TMCO4: variants seen among roughly 807,000 people sequenced by gnomAD.
TMCO4 encodes the protein transmembrane and coiled-coil domains 4, also known as transmembrane and coiled-coil domain-containing protein 4.
TMCO4 carries 58 observed loss-of-function variants against 64.7 expected under a neutral mutation model. The observed-to-expected ratio is 0.90, with a 90% CI of 0.73 to 1.12. The LOEUF is 1.12. Ranked by LOEUF, TMCO4 falls within the 50% of genes most tolerant of loss-of-function variation. TMCO4 has a pLI of 0.00. For missense variants in TMCO4, 780 were observed against 825.9 expected, an observed-to-expected ratio of 0.94 and a Z score of 0.68; for synonymous variants, 325 against 346.1, an observed-to-expected ratio of 0.94 and a Z score of 0.68.
chr1:19,724,742 T>C (rs565587008), intron 13 of TMCO4, among the ~76,000 whole-genome samples: 3 of 152,184 alleles, frequency 2.0e-5, no homozygotes, highest in South Asian at 4.1e-4. Context: ...AGACTCTAAG[T>C]TCAGTGCTCC....
intron 13 of TMCO4, among the ~76,000 whole-genome samples, chr1:19,710,089 T>A (rs1047773858): frequency 6.6e-6 from 1 of 152,044 alleles, no homozygotes; most frequent in Admixed American, 6.6e-5. Flanking sequence ...CCTGGAATTC[T>A]ATTTTTTAAA....
intron 4 of TMCO4, among the ~76,000 whole-genome samples, chr1:19,773,427 G>A (rs2043072653): frequency 6.6e-6 from 1 of 152,188 alleles, no homozygotes; most frequent in African/African-American, 2.4e-5. Context: ...CTTCGGAACT[G>A]TCTCCAGCGG....
At chr1:19,755,586 T>G (rs1158205871) in intron 7 of TMCO4, 48 bp downstream of exon 7, 1 of 1,610,380 alleles carries the variant, frequency 6.2e-7, no homozygotes. Flanking sequence ...CAAAGTACAC[T>G]GAAGTGGAAA....
At chr1:19,690,633 A>G (rs1489847254) in intron 15 of TMCO4, among the ~76,000 whole-genome samples, 1 of 152,154 alleles carries the variant, frequency 6.6e-6, no homozygotes. Context: ...AGGGGCTGAG[A>G]GAAAATTCCT....
intron 11 of TMCO4, among the ~76,000 whole-genome samples, chr1:19,740,183 C>T (rs1022754884): frequency 3.9e-5 from 6 of 152,144 alleles, no homozygotes; most frequent in Admixed American, 6.5e-5. Context: ...TGAGATGGCC[C>T]CAATTCGTCT....
intron 15 of TMCO4, among the ~76,000 whole-genome samples, chr1:19,686,985 T>C (rs942876235): frequency 3.9e-5 from 6 of 151,930 alleles, no homozygotes; most frequent in African/African-American, 1.5e-4. Context: ...GGAGTCTTGC[T>C]CTGTTGCCCA....
intron 10 of TMCO4, among the ~76,000 whole-genome samples, chr1:19,744,610 C>T (rs1418571143): frequency 6.6e-6 from 1 of 152,170 alleles, no homozygotes; most frequent in Non-Finnish European, 1.5e-5. Context: ...TGGCTCCACC[C>T]ACATTCCTGC....
chr1:19,693,369 G>A (rs188382490), intron 15 of TMCO4, among the ~76,000 whole-genome samples: 2,791 of 152,040 alleles, frequency 0.018, 41 homozygotes, highest in Non-Finnish European at 0.028. Flanking sequence ...TGTAATCCCC[G>A]CTACTCGGGA....
chr1:19,741,018 G>A lies in TMCO4; in HGVS notation c.878-77C>T, dbSNP rs1431137220. 1.3e-5 allele frequency: 19 copies of A among 1,433,842 alleles called. No homozygotes were observed. The East Asian group carries it at 4.3e-4, about 33-fold the overall frequency. 88.8% of individuals were successfully genotyped at this position (1,433,842 alleles called of 1,614,324 possible). A position where few individuals can be genotyped will look rare whatever the true frequency, so the allele number is the denominator to read the frequency against. On this transcript the variant is annotated intron_variant, in intron 10 of 15. Transcript: ENST00000294543. ...CCCACCCCAGTACCCCAGACAAGGA[G>A]CACCAGGACCACTCACCCTTGTGTG... is the stretch of plus-strand genomic sequence containing the variant.
At chr1:19,783,867 C>T (rs1022714370) in intron 3 of TMCO4, among the ~76,000 whole-genome samples, 1 of 152,210 alleles carries the variant, frequency 6.6e-6, no homozygotes, top group Non-Finnish European at 1.5e-5. Context: ...AGACTGGCCT[C>T]AATGGTTGCT....
At chr1:19,782,149 C>G (rs1274719794) in intron 3 of TMCO4, among the ~76,000 whole-genome samples, 1 of 152,194 alleles carries the variant, frequency 6.6e-6, no homozygotes, top group Non-Finnish European at 1.5e-5. Context: ...CCCAAACTGG[C>G]AACAACCCAC....
chr1:19,781,347 G>C (rs755375270), intron 3 of TMCO4, among the ~76,000 whole-genome samples: 4 of 151,778 alleles, frequency 2.6e-5, no homozygotes, highest in Admixed American at 6.6e-5. Context: ...CACGCCTGTA[G>C]TTCCAGCTAC....
intron 7 of TMCO4, chr1:19,750,282 T>G (rs1010961135): frequency 1.3e-5 from 2 of 152,160 alleles, no homozygotes; most frequent in Non-Finnish European, 2.9e-5. Context: ...TTCAAGTCAC[T>G]GACGATATAC....
intron 13 of TMCO4, among the ~76,000 whole-genome samples, chr1:19,728,378 G>A (rs920301904): frequency 5.9e-5 from 9 of 152,188 alleles, no homozygotes; most frequent in African/African-American, 2.2e-4. Context: ...ATAAAACTGT[G>A]CAAAAACTGG....
intron 7 of TMCO4, among the ~76,000 whole-genome samples, chr1:19,749,056 G>T (rs764752193): frequency 1.3e-5 from 2 of 152,186 alleles, no homozygotes; most frequent in African/African-American, 4.8e-5. Context: ...TCATGATACT[G>T]GTTTTCCACA....
chr1:19,687,661 A>G (rs2095160090), intron 15 of TMCO4, among the ~76,000 whole-genome samples: 1 of 152,202 alleles, frequency 6.6e-6, no homozygotes, highest in South Asian at 2.1e-4. Flanking sequence ...CCACAGGGAC[A>G]AGTGATAACT....
chr1:19,750,368 A>G (rs936200068), intron 7 of TMCO4: 2 of 152,206 alleles, frequency 1.3e-5, no homozygotes, highest in Non-Finnish European at 2.9e-5. Flanking sequence ...CGGCCTGGAA[A>G]TAGTCTGGAA....
Position 19,780,702 on chromosome 1 carries a change from C to T in TMCO4, c.57G>A (p.Glu19=). The change falls in exon 4 of 16, where the codon GAG becomes GAA. Residue 19 remains glutamate (E), a synonymous_variant. Transcript: ENST00000294543. Reference sequence around the variant, plus strand: ...GGTGTGGCTCCCCCTCTGCAGTGGGCTCAGCTACCAGAGGCTGCTGAGGCA... The same window carrying T: ...GGTGTGGCTCCCCCTCTGCAGTGGGTTCAGCTACCAGAGGCTGCTGAGGCA... ...QRLPQQPLVA[E]PTAEGEPHLP... 2.5e-6 allele frequency: 4 copies of T among 1,613,058 alleles called. No individual in the cohort carries two copies. Among genetic ancestry groups the T allele is most frequent in the Non-Finnish European group, 3.4e-6 (4 of 1,179,798 alleles).
intron 3 of TMCO4, among the ~76,000 whole-genome samples, chr1:19,783,691 G>A (rs2043596283): frequency 6.6e-6 from 1 of 152,192 alleles, no homozygotes; most frequent in Admixed American, 6.5e-5. Flanking sequence ...GAAAGACCAA[G>A]CAATTTTCCC....
Sources: gnomAD v4.1 joint callset for allele counts (sites outside exome capture counted in the v4.1 genomes callset) on GRCh38, gnomAD v4.1.1 for gene constraint, MANE v1.5 for transcripts, NCBI Gene and HGNC (gene_info 2026-07-23, HGNC 2026-07-21) for gene names.